The following CTNNAL1 variants were observed in gnomAD, a reference collection of about 807,000 sequenced individuals.
CTNNAL1 encodes alpha-catulin.
Under a neutral mutation model 93.6 loss-of-function variants are expected in CTNNAL1, and 69 were observed. That is an observed-to-expected ratio of 0.74 (90% CI 0.61 to 0.90). CTNNAL1 has a LOEUF of 0.90. Ranked by LOEUF, CTNNAL1 falls within the 40% of genes least tolerant of loss-of-function variation. The probability of loss-of-function intolerance (pLI) is 0.00; values close to 1 mark genes in which losing one functional copy is unlikely to be tolerated. For synonymous variants in CTNNAL1, 286 were observed against 305.4 expected (o/e 0.94, Z 0.66); for missense variants, 836 against 862.0 (o/e 0.97, Z 0.38).
chr9:109,007,781 C>T (rs1043670890), intron 1 of CTNNAL1, among the ~76,000 whole-genome samples: 6 of 152,182 alleles, frequency 3.9e-5, no homozygotes, highest in African/African-American at 1.4e-4. Context: ...ATGTCAGTAT[C>T]TCTGACAGCC....
At chr9:108,984,828 T>C (rs1456504217) in intron 4 of CTNNAL1, among the ~76,000 whole-genome samples, 1 of 152,222 alleles carries the variant, frequency 6.6e-6, no homozygotes, top group Non-Finnish European at 1.5e-5. Flanking sequence ...TTGACTATTA[T>C]TTCCTTCAAA....
intron 14 of CTNNAL1, chr9:108,950,420 G>A: frequency 1.4e-6 from 2 of 1,401,618 alleles, no homozygotes; most frequent in African/African-American, 1.4e-5. Context: ...GGTCTCCAAT[G>A]ATGGAAAATA....
At chr9:108,997,457 A>G (rs1832065526) in intron 2 of CTNNAL1, among the ~76,000 whole-genome samples, 1 of 152,224 alleles carries the variant, frequency 6.6e-6, no homozygotes, top group African/African-American at 2.4e-5. Flanking sequence ...TGTTTTGAAA[A>G]AACAAAACAA....
chr9:108,949,843 C>CA (rs1252637578), intron 14 of CTNNAL1, among the ~76,000 whole-genome samples: 2 of 150,822 alleles, frequency 1.3e-5, no homozygotes, highest in Non-Finnish European at 3.0e-5. Flanking sequence ...GACTCCGTCT[C>CA]AAAAAAAATA....
chr9:108,951,042 C>A (rs1309691498), intron 14 of CTNNAL1, among the ~76,000 whole-genome samples: 2 of 151,726 alleles, frequency 1.3e-5, no homozygotes, highest in Non-Finnish European at 2.9e-5. Flanking sequence ...TGGAGTCTCA[C>A]CCTGTCACCC....
intron 8 of CTNNAL1, among the ~76,000 whole-genome samples, chr9:108,974,527 T>G (rs911152313): frequency 5.3e-5 from 8 of 152,202 alleles, no homozygotes; most frequent in Admixed American, 3.9e-4. Flanking sequence ...AAAATTTATA[T>G]AAGAAACATC....
At chr9:108,972,864 G>GGGGGGGGGGGGGGGGGCCCCCCCCCCCCC in intron 8 of CTNNAL1, 31 bp from the exon 9 acceptor site, 1 of 142,578 alleles carries the variant, frequency 7.0e-6, no homozygotes, top group Non-Finnish European at 1.0e-5. Context: ...GGGGGGGTGG[G>GGGGGGGGGGGGGGGGGCCCCCCCCCCCCC]AGGGTGGAGA....
intron 1 of CTNNAL1, among the ~76,000 whole-genome samples, chr9:109,002,548 A>C (rs1163300314): frequency 6.6e-6 from 1 of 152,198 alleles, no homozygotes; most frequent in Non-Finnish European, 1.5e-5. Flanking sequence ...GAACTGGGAG[A>C]TCTAACTAAG....
chr9:108,980,054 T>A (rs766213915), intron 6 of CTNNAL1, among the ~76,000 whole-genome samples: 1 of 152,236 alleles, frequency 6.6e-6, no homozygotes, highest in Non-Finnish European at 1.5e-5. Context: ...AGGGTCTGTA[T>A]AATCTAAAAT....
intron 6 of CTNNAL1, among the ~76,000 whole-genome samples, chr9:108,982,406 T>G (rs1831459932): frequency 2.0e-5 from 3 of 152,246 alleles, no homozygotes; most frequent in Admixed American, 2.0e-4. Context: ...TAATTATTAC[T>G]AATACTATTA....
In CTNNAL1 at chr9:109,008,049, T is replaced by C. The variant is rs929144757; in HGVS notation, c.141+5253A>G. Reference sequence around the variant, plus strand: ...GACAGAGTATATCATTATATGAACATAGCACAATTTATGTAAACATACTAC... The same window carrying C: ...GACAGAGTATATCATTATATGAACACAGCACAATTTATGTAAACATACTAC... On this transcript the variant is annotated intron_variant, in intron 1 of 18. Transcript: ENST00000325551. 3.4e-4 allele frequency among the ~76,000 whole-genome samples: 52 copies of C among 152,002 alleles called. 1 individual carries two copies. Among genetic ancestry groups the C allele is most frequent in the Non-Finnish European group, 8.8e-5 (6 of 68,010 alleles).
Position 108,942,985 on chromosome 9 carries a change from TGAAA to T in CTNNAL1, c.2111_2114del (p.Leu704HisfsTer7). 1 of 1,612,940 alleles carries T rather than the reference TGAAA, an allele frequency of 6.2e-7. No homozygotes were observed. The highest frequency in any genetic ancestry group is 1.1e-5 in the South Asian group (1 of 90,572). The stretch of plus-strand genomic sequence containing the variant: ...CCTTCTTCAGCAGTTTATAACAAAG[TGAAA>T]GAAGTTGGACTAAGAGAGCCATCAT... On this transcript the variant is annotated frameshift_variant, in exon 18 of 19. Transcript: ENST00000325551. LOFTEE classifies it high-confidence loss of function.
chr9:108,990,592 G>T lies in CTNNAL1; in HGVS notation c.639+134C>A, dbSNP rs113956112. On this transcript the variant is annotated intron_variant, in intron 4 of 18. Transcript: ENST00000325551. ...ACTTACTTTATCCTGGCTTATCTAT[G>T]AAAGGCTTTCAAGACCAAGGCTATA... 4.5e-4 allele frequency: 483 copies of T among 1,075,278 alleles called. 4 individuals are homozygous for T. In the African/African-American group the frequency reaches 6.9e-3, roughly 15 times the overall value. The allele number at this position is 1,075,278 out of a possible 1,614,324, so 66.6% of individuals were successfully genotyped here. A position where few individuals can be genotyped will look rare whatever the true frequency, so the allele number is the denominator to read the frequency against.
At chr9:108,984,237 C>T (rs1360622) in intron 5 of CTNNAL1, 110 bp downstream of exon 5, 1 of 668,204 alleles carries the variant, frequency 1.5e-6, no homozygotes, top group Non-Finnish European at 2.7e-6. Context: ...GGCCTATGTT[C>T]TAAGTAATCA....
chr9:108,943,512 C>A (rs1230142481), intron 17 of CTNNAL1, among the ~76,000 whole-genome samples, 191 bp downstream of exon 17: 1 of 152,082 alleles, frequency 6.6e-6, no homozygotes, highest in Non-Finnish European at 1.5e-5. Flanking sequence ...GTCCAAAAAA[C>A]TACTTTATTT....
rs1391425520 is a variant in CTNNAL1 at position 108,976,296 on chromosome 9, A to G, written c.1188+666T>C. Among the ~76,000 whole-genome samples, 6 of 152,100 alleles carry G rather than the reference A, an allele frequency of 3.9e-5. No individual in the cohort carries two copies. In the East Asian group the frequency reaches 1.2e-3, roughly 29 times the overall value. ...TTGTGCCTGGCTTCTTTTGCTTAGT[A>G]TGTCTTAGTGATTCATCCATATTGT... On this transcript the variant is annotated intron_variant, in intron 8 of 18. Coordinates refer to ENST00000325551, the MANE Select transcript of CTNNAL1 (RefSeq NM_003798.4).
At chr9:109,004,567 C>T (rs1206922421) in intron 1 of CTNNAL1, among the ~76,000 whole-genome samples, 2 of 152,158 alleles carry the variant, frequency 1.3e-5, no homozygotes, top group Non-Finnish European at 2.9e-5. Context: ...GTGGGCGGAT[C>T]ACGAGGTCAG....
chr9:108,948,124 C>A (rs920937603), intron 15 of CTNNAL1, 62 bp downstream of exon 15: 1 of 1,544,458 alleles, frequency 6.5e-7, no homozygotes, highest in Non-Finnish European at 8.9e-7. Context: ...ATCTGGAAAA[C>A]ATTTATTACC....
At chr9:108,979,770 T>G (rs138100922) in intron 6 of CTNNAL1, among the ~76,000 whole-genome samples, 3 of 152,202 alleles carry the variant, frequency 2.0e-5, no homozygotes, top group Admixed American at 2.0e-4. Context: ...CTCTAGCAAC[T>G]GGCAGGAAAA....
Sources: allele counts gnomAD v4.1 joint callset (sites outside exome capture counted in the v4.1 genomes callset), GRCh38; gene constraint gnomAD v4.1.1; transcripts MANE v1.5; gene names NCBI Gene and HGNC (gene_info 2026-07-23, HGNC 2026-07-21).